The following TMTC2 variants were observed in gnomAD, a reference collection of about 807,000 sequenced individuals.
TMTC2 encodes protein O-mannosyl-transferase TMTC2.
A neutral mutation model predicts 82.4 loss-of-function variants in TMTC2; 43 were observed. That is an observed-to-expected ratio of 0.52 (90% CI 0.41 to 0.67). The LOEUF is 0.67. Among genes scored for constraint, TMTC2 ranks in the 30% least tolerant of loss-of-function variants. TMTC2 has a pLI of 0.00. For synonymous variants in TMTC2, 408 were observed against 381.9 expected (o/e 1.07, Z -0.80); for missense variants, 919 against 1,012.4 (o/e 0.91, Z 1.25).
intron 9 of TMTC2, among the ~76,000 whole-genome samples, chr12:83,048,201 T>C (rs1237779738): frequency 6.6e-6 from 1 of 152,204 alleles, no homozygotes; most frequent in Non-Finnish European, 1.5e-5. Context: ...AGGATGGGGT[T>C]AGCCTGGCAA....
At chr12:82,998,617 A>G (rs1416494339) in intron 8 of TMTC2, among the ~76,000 whole-genome samples, 1 of 152,184 alleles carries the variant, frequency 6.6e-6, no homozygotes, top group African/African-American at 2.4e-5. Context: ...TTCCTCACAT[A>G]TCTCTGGCAA....
chr12:83,109,016 C>A (rs1884510244), intron 11 of TMTC2, among the ~76,000 whole-genome samples: 1 of 152,202 alleles, frequency 6.6e-6, no homozygotes, highest in South Asian at 2.1e-4. Context: ...AGGCCAAGTT[C>A]TCTCAGATAA....
chr12:82,712,424 C>T lies in TMTC2; in HGVS notation c.83+24755C>T, dbSNP rs911464825. 8.6e-5 allele frequency among the ~76,000 whole-genome samples: 10 copies of T among 116,438 alleles called. No individual in the cohort carries two copies. In the East Asian group the frequency reaches 9.5e-4, roughly 11 times the overall value. The allele number at this position is 116,438 out of a possible 152,430, so 76.4% of individuals were successfully genotyped here. A position where few individuals can be genotyped will look rare whatever the true frequency, so the allele number is the denominator to read the frequency against. On this transcript the variant is annotated intron_variant, in intron 1 of 11. Transcript: ENST00000321196. ...CAGCCTGGGCAGAAGAGTGAAACTC[C>T]GTCTCAAAAAAAAAAAAAAAAAAAA...
intron 1 of TMTC2, among the ~76,000 whole-genome samples, chr12:82,702,743 A>G (rs1873143521): frequency 6.6e-6 from 1 of 152,230 alleles, no homozygotes; most frequent in Non-Finnish European, 1.5e-5. Context: ...CCTGGGCAAC[A>G]TAGCGAGATT....
chr12:82,931,779 C>G (rs1422508192), intron 4 of TMTC2, among the ~76,000 whole-genome samples: 1 of 152,152 alleles, frequency 6.6e-6, no homozygotes, highest in Non-Finnish European at 1.5e-5. Flanking sequence ...AGCATCCTTA[C>G]TCTTCTCAAT....
At chr12:82,816,769 A>G (rs1868756567) in intron 1 of TMTC2, among the ~76,000 whole-genome samples, 1 of 152,088 alleles carries the variant, frequency 6.6e-6, no homozygotes, top group South Asian at 2.1e-4. Flanking sequence ...TACTGGAAAT[A>G]TTTAGTAGAG....
intron 4 of TMTC2, among the ~76,000 whole-genome samples, chr12:82,957,193 C>T (rs1467207964): frequency 6.6e-6 from 1 of 152,116 alleles, no homozygotes; most frequent in Non-Finnish European, 1.5e-5. Context: ...ACTCTTGGAC[C>T]ACTCTTGGAA....
At chr12:83,064,803 T>G (rs1882860810) in intron 11 of TMTC2, among the ~76,000 whole-genome samples, 1 of 151,990 alleles carries the variant, frequency 6.6e-6, no homozygotes, top group Admixed American at 6.6e-5. Flanking sequence ...AAGCATTCAT[T>G]TAACATTTAT....
intron 1 of TMTC2, among the ~76,000 whole-genome samples, chr12:82,843,155 C>T (rs926036649): frequency 6.6e-6 from 1 of 152,046 alleles, no homozygotes; most frequent in African/African-American, 2.4e-5. Context: ...AGCACAATCT[C>T]GGCTCACTGC....
At chr12:82,926,819 A>C (rs1808466855) in intron 3 of TMTC2, among the ~76,000 whole-genome samples, 2 of 152,216 alleles carry the variant, frequency 1.3e-5, no homozygotes, top group South Asian at 4.1e-4. Flanking sequence ...CTGTAAGTGG[A>C]ACTGGATTTC....
chr12:83,075,530 T>A (rs1328846472), intron 11 of TMTC2, among the ~76,000 whole-genome samples: 1 of 152,212 alleles, frequency 6.6e-6, no homozygotes, highest in East Asian at 1.9e-4. Context: ...CTGTTTTTAT[T>A]AATTGCAACC....
chr12:83,082,209 C>T (rs1477208470), intron 11 of TMTC2, among the ~76,000 whole-genome samples: 1 of 152,200 alleles, frequency 6.6e-6, no homozygotes, highest in Non-Finnish European at 1.5e-5. Context: ...TTTAAAACAT[C>T]ATTTGAATTT....
intron 3 of TMTC2, among the ~76,000 whole-genome samples, chr12:82,927,589 A>G (rs768160338): frequency 1.3e-5 from 2 of 152,228 alleles, no homozygotes; most frequent in Non-Finnish European, 2.9e-5. Flanking sequence ...TCTATTATGG[A>G]TAAAATGCTA....
intron 1 of TMTC2, among the ~76,000 whole-genome samples, chr12:82,811,491 A>C (rs545137114): frequency 6.6e-6 from 1 of 152,172 alleles, no homozygotes; most frequent in African/African-American, 2.4e-5. Flanking sequence ...ATTATGTATA[A>C]ATTCTAAGTA....
chr12:82,859,091 C>T (rs1419374188), intron 2 of TMTC2, among the ~76,000 whole-genome samples: 1 of 145,440 alleles, frequency 6.9e-6, no homozygotes, highest in African/African-American at 2.6e-5. Flanking sequence ...TTTTTTGACG[C>T]GGAGTCTCAC....
intron 11 of TMTC2, among the ~76,000 whole-genome samples, chr12:83,080,057 A>T (rs142906546): frequency 8.5e-5 from 13 of 152,304 alleles, no homozygotes; most frequent in African/African-American, 2.6e-4. Flanking sequence ...TTCATTGCAT[A>T]GTACAACATT....
intron 1 of TMTC2, among the ~76,000 whole-genome samples, chr12:82,747,610 G>A (rs1386114082): frequency 6.6e-6 from 1 of 152,228 alleles, no homozygotes; most frequent in Non-Finnish European, 1.5e-5. Context: ...ATGGAATTGA[G>A]TGCATTGCTT....
At position 82,986,157 on chromosome 12, in the gene TMTC2, A is replaced by C. The variant is rs191343835; in HGVS notation, c.2070+111A>C. 4 of 1,435,776 alleles carry C rather than the reference A, an allele frequency of 2.8e-6. No individual in the cohort carries two copies. In the Admixed American group the frequency reaches 7.1e-5, roughly 26 times the overall value. 88.9% of individuals were successfully genotyped at this position (1,435,776 alleles called of 1,614,324 possible). On this transcript the variant is annotated intron_variant, in intron 8 of 11. Coordinates refer to ENST00000321196, the MANE Select transcript of TMTC2 (RefSeq NM_152588.3). ...CAGTTATCTAAGCTATTAGGGATGC[A>C]ATGGTGGTGATACTAACTTTGAACC...
intron 1 of TMTC2, among the ~76,000 whole-genome samples, chr12:82,765,136 G>T (rs1876877751): frequency 6.6e-6 from 1 of 152,100 alleles, no homozygotes; most frequent in Admixed American, 6.6e-5. Flanking sequence ...CATTATTTAG[G>T]AACCAAAAAT....
Sources: allele counts gnomAD v4.1 joint callset (sites outside exome capture counted in the v4.1 genomes callset), GRCh38; gene constraint gnomAD v4.1.1; transcripts MANE v1.5; gene names NCBI Gene and HGNC (gene_info 2026-07-23, HGNC 2026-07-21).